GLP1R: variants seen among roughly 807,000 people sequenced by gnomAD.
The protein encoded by GLP1R is glucagon-like peptide 1 receptor.
Under a neutral mutation model 68.4 loss-of-function variants are expected in GLP1R, and 32 were observed. That is an observed-to-expected ratio of 0.47 (90% CI 0.35 to 0.63). The LOEUF (loss-of-function observed/expected upper bound fraction) is 0.63. GLP1R is among the 20% of genes least tolerant of loss of function. GLP1R has a pLI of 0.00. For synonymous variants in GLP1R, 263 were observed against 244.4 expected (o/e 1.08, Z -0.71); for missense variants, 502 against 594.9 (o/e 0.84, Z 1.62).
chr6:39,064,105 G>C (rs1333260294), intron 3 of GLP1R, among the ~76,000 whole-genome samples: 1 of 150,350 alleles, frequency 6.7e-6, no homozygotes, highest in Non-Finnish European at 1.5e-5. Context: ...CCAAGTTCAA[G>C]TGATTTTCGT....
At chr6:39,053,638 G>A (rs910088003) in intron 1 of GLP1R, among the ~76,000 whole-genome samples, 3 of 152,156 alleles carry the variant, frequency 2.0e-5, no homozygotes, top group Admixed American at 2.0e-4. Context: ...CCATCCCATG[G>A]GGGAGGGGCT....
At chr6:39,073,060 G>C (rs1768718390) in intron 6 of GLP1R, 45 bp downstream of exon 6, 2 of 1,568,990 alleles carry the variant, frequency 1.3e-6, no homozygotes, top group Admixed American at 1.7e-5. Context: ...TGGGCGGTTG[G>C]AGGAGGCCTG....
At chr6:39,080,932 C>G (rs10305500) in intron 12 of GLP1R, among the ~76,000 whole-genome samples, 193 bp downstream of exon 12, 1 of 152,002 alleles carries the variant, frequency 6.6e-6, no homozygotes, top group Non-Finnish European at 1.5e-5. Flanking sequence ...CACATGAACA[C>G]ACACACACAA....
Position 39,073,592 on chromosome 6 carries a change from C to G in GLP1R, c.664-18C>G. On this transcript the variant is annotated intron_variant, in intron 6 of 12. Transcript: ENST00000373256. ...GGGCAGAGCTGTTGTCCCCATGACA[C>G]CCTTCCTCTACCCCCAGGACTCTCT... The G allele has an allele frequency of 6.2e-7, 1 of 1,611,936 alleles. No individual in the cohort carries two copies. The highest frequency in any genetic ancestry group is 8.5e-7 in the Non-Finnish European group (1 of 1,178,824).
rs1015514198 is a variant in GLP1R at position 39,087,876 on chromosome 6, G to A, written c.*1803G>A. 2.0e-5 allele frequency: 3 copies of A among 152,164 alleles called. No individual in the cohort carries two copies. Among genetic ancestry groups the A allele is most frequent in the Non-Finnish European group, 2.9e-5 (2 of 68,036 alleles). The allele number at this position is 152,164 out of a possible 1,614,324, so 9.4% of individuals were successfully genotyped here. ...TTCCTGCTTCCCCAGAACAAGGGCA[G>A]GCTTCCCAAAGGCACCCCTTATTTG... On this transcript the variant is annotated 3_prime_UTR_variant, in exon 13 of 13. Transcript: ENST00000373256.
At chr6:39,062,749 C>A (rs572503295) in intron 3 of GLP1R, among the ~76,000 whole-genome samples, 151 of 152,290 alleles carry the variant, frequency 9.9e-4, no homozygotes, top group Non-Finnish European at 1.9e-3. Context: ...AAAGAGCTGG[C>A]GGATTTTAGT....
In GLP1R at chr6:39,048,885, C is replaced by T. The variant is rs532333938; in HGVS notation, c.45C>T (p.Leu15=). 1.1e-4 allele frequency: 164 copies of T among 1,487,646 alleles called. 2 individuals are homozygous for T. In the South Asian group the frequency reaches 1.9e-3, roughly 17 times the overall value. The allele number at this position is 1,487,646 out of a possible 1,614,324, so 92.2% of individuals were successfully genotyped here. The part of the protein sequence containing the change: ...PGPLRLALLL[L]GMVGRAGPRP... ...CGCTGCGCCTTGCGCTGCTGCTGCT[C>T]GGGATGGTGGGCAGGGCCGGCCCCC... Residue 15 remains leucine, a synonymous_variant, in exon 1 of 13, where the codon CTC becomes CTT. Coordinates refer to ENST00000373256, the MANE Select transcript of GLP1R (RefSeq NM_002062.5).
Position 39,087,103 on chromosome 6 carries a change from A to C in GLP1R, c.*1030A>C, listed in dbSNP as rs1769170913. On this transcript the variant is annotated 3_prime_UTR_variant, in exon 13 of 13. Transcript: ENST00000373256. ...CTTAGGGAAACCAATAGTCCCCATC[A>C]GCACCATGGAGGCAGGCTCCCCCTG... 6.6e-6 allele frequency: 1 copy of C among 152,270 alleles called. No individual in the cohort carries two copies. The highest frequency in any genetic ancestry group is 2.4e-5 in the African/African-American group (1 of 41,470). The allele number at this position is 152,270 out of a possible 1,614,324, so 9.4% of individuals were successfully genotyped here.
intron 5 of GLP1R, among the ~76,000 whole-genome samples, chr6:39,068,359 G>A (rs1404131992): frequency 6.6e-6 from 1 of 152,148 alleles, no homozygotes; most frequent in East Asian, 1.9e-4. Flanking sequence ...CTGGAGTTGT[G>A]TGCTGGTGGC....
Position 39,087,518 on chromosome 6 carries a change from T to G in GLP1R, c.*1445T>G, listed in dbSNP as rs1769180244. Reference sequence around the variant, plus strand: ...GGAGTTCGTGGCTGCAAAAGAAGTTTCTGGAGCAAGAGAGAGCTCGCTCTT... The same window carrying G: ...GGAGTTCGTGGCTGCAAAAGAAGTTGCTGGAGCAAGAGAGAGCTCGCTCTT... On this transcript the variant is annotated 3_prime_UTR_variant, in exon 13 of 13. Transcript: ENST00000373256. 2 of 152,200 alleles carry G rather than the reference T, an allele frequency of 1.3e-5. No individual in the cohort carries two copies. The highest frequency in any genetic ancestry group is 4.8e-5 in the African/African-American group (2 of 41,436). The allele number at this position is 152,200 out of a possible 1,614,324, so 9.4% of individuals were successfully genotyped here. A position where few individuals can be genotyped will look rare whatever the true frequency, so the allele number is the denominator to read the frequency against.
At chr6:39,055,336 C>T (rs1412705191) in intron 1 of GLP1R, among the ~76,000 whole-genome samples, 2 of 152,198 alleles carry the variant, frequency 1.3e-5, no homozygotes, top group Non-Finnish European at 2.9e-5. Flanking sequence ...ACATGGGGCT[C>T]TTGGGTCATT....
chr6:39,073,605 C>G lies in GLP1R; in HGVS notation c.664-5C>G. Reference sequence around the variant, plus strand: ...GTCCCCATGACACCCTTCCTCTACCCCCAGGACTCTCTGAGCTGCCGCCTG... The same window carrying G: ...GTCCCCATGACACCCTTCCTCTACCGCCAGGACTCTCTGAGCTGCCGCCTG... On this transcript the variant is annotated splice_polypyrimidine_tract_variant and splice_region_variant and intron_variant, in intron 6 of 12. Transcript: ENST00000373256. The G allele has an allele frequency of 6.2e-7, 1 of 1,613,426 alleles. No individual in the cohort carries two copies. The highest frequency in any genetic ancestry group is 1.1e-5 in the South Asian group (1 of 91,050).
intron 3 of GLP1R, among the ~76,000 whole-genome samples, chr6:39,064,380 C>T (rs2150826763): frequency 6.6e-6 from 1 of 152,266 alleles, no homozygotes; most frequent in Non-Finnish European, 1.5e-5. Context: ...CTGGTGCCTT[C>T]TCCATTCTCT....
chr6:39,068,951 C>T (rs1423481957), intron 5 of GLP1R, among the ~76,000 whole-genome samples: 2 of 152,206 alleles, frequency 1.3e-5, no homozygotes, highest in Non-Finnish European at 2.9e-5. Context: ...CATGCTTTTG[C>T]ATTCTTTACA....
At chr6:39,061,293 G>GAGAGC (rs1321388611) in intron 3 of GLP1R, among the ~76,000 whole-genome samples, 4 of 152,158 alleles carry the variant, frequency 2.6e-5, no homozygotes, top group African/African-American at 9.7e-5. Context: ...AGTGGCTTCA[G>GAGAGC]AGAGCCTGTT....
Position 39,049,288 on chromosome 6 carries a change from C to T in GLP1R, c.78+370C>T, listed in dbSNP as rs7763240. 3.5e-3 allele frequency among the ~76,000 whole-genome samples: 528 copies of T among 152,290 alleles called. 2 individuals are homozygous for T. Among genetic ancestry groups the T allele is most frequent in the Middle Eastern group, 6.8e-3 (2 of 294 alleles). On this transcript the variant is annotated intron_variant, in intron 1 of 12. Transcript: ENST00000373256. The surrounding 1 kb of genome is among the most constrained non-coding windows in gnomAD (Gnocchi z 4.5). ...CCGTGTCAGCGGCCCTGGCACAGCC[C>T]GGCATCCTCCCGGACTCCCTCTGCC... is the stretch of plus-strand genomic sequence containing the variant.
At chr6:39,068,244 T>C (rs1343094319) in intron 5 of GLP1R, among the ~76,000 whole-genome samples, 3 of 152,242 alleles carry the variant, frequency 2.0e-5, no homozygotes, top group Non-Finnish European at 4.4e-5. Flanking sequence ...TTTGACTCAG[T>C]GTCCTGCCTT....
rs1472308929 is a variant in GLP1R, at chr6:39,066,202, C to T, written c.408C>T (p.Ser136=). 9 of 1,592,046 alleles carry T rather than the reference C, an allele frequency of 5.7e-6. No homozygotes were observed. The highest frequency in any genetic ancestry group is 7.8e-6 in the Non-Finnish European group (9 of 1,160,152). Residue 136 remains serine, a synonymous_variant, in exon 5 of 13, where the codon TCC becomes TCT. Coordinates refer to ENST00000373256, the MANE Select transcript of GLP1R (RefSeq NM_002062.5). ...CEESKRGERS[S]PEEQLLFLYI... Reference sequence around the variant, plus strand: ...ATGTCCCCCGTGTGCCACAGAGCTCCCCGGAGGAGCAGCTCCTGTTCCTCT... The same window carrying T: ...ATGTCCCCCGTGTGCCACAGAGCTCTCCGGAGGAGCAGCTCCTGTTCCTCT...
At chr6:39,072,381 A>T in intron 5 of GLP1R, among the ~76,000 whole-genome samples, 1 of 152,356 alleles carries the variant, frequency 6.6e-6, no homozygotes, top group Middle Eastern at 3.4e-3. Flanking sequence ...CATTAGGTTA[A>T]GAAATGCCCC....
Sources: gnomAD v4.1 joint callset for allele counts (sites outside exome capture counted in the v4.1 genomes callset) on GRCh38, gnomAD v4.1.1 for gene constraint, Gnocchi (gnomAD v3.1) non-coding constraint, MANE v1.5 for transcripts, NCBI Gene and HGNC (gene_info 2026-07-23, HGNC 2026-07-21) for gene names.